CDK6: variants seen among roughly 807,000 people sequenced by gnomAD.
The protein encoded by CDK6 is cyclin dependent kinase 6, also known as cyclin-dependent kinase 6.
Under a neutral mutation model 37.1 loss-of-function variants are expected in CDK6, and 6 were observed. That is an observed-to-expected ratio of 0.16 (90% CI 0.09 to 0.32). The LOEUF (loss-of-function observed/expected upper bound fraction) is 0.32. CDK6 is among the 10% of genes least tolerant of loss of function. CDK6 has a pLI of 1.00. For synonymous variants in CDK6, 160 were observed against 161.3 expected (o/e 0.99, Z 0.06); for missense variants, 224 against 418.9 (o/e 0.53, Z 4.06).
chr7:92,796,778 T>C (rs908068835), intron 2 of CDK6, among the ~76,000 whole-genome samples: 2 of 152,030 alleles, frequency 1.3e-5, no homozygotes, highest in South Asian at 2.1e-4. Context: ...CCAGTTAAAC[T>C]TTTTTTTAAA....
intron 5 of CDK6, among the ~76,000 whole-genome samples, chr7:92,638,775 A>C (rs1796234836): frequency 6.6e-6 from 1 of 151,762 alleles, no homozygotes; most frequent in Admixed American, 6.6e-5. Context: ...ATGTCTTTTG[A>C]CCCCCCCAGA....
intron 3 of CDK6, among the ~76,000 whole-genome samples, chr7:92,753,423 C>T (rs1799233724): frequency 6.6e-6 from 1 of 152,100 alleles, no homozygotes; most frequent in Non-Finnish European, 1.5e-5. Context: ...AGAATCTACA[C>T]ATTATTTTGA....
intron 3 of CDK6, among the ~76,000 whole-genome samples, chr7:92,753,120 C>G (rs1326068748): frequency 6.6e-6 from 1 of 152,016 alleles, no homozygotes; most frequent in East Asian, 1.9e-4. Flanking sequence ...ATATGCTTCA[C>G]CTGTGAATAC....
intron 4 of CDK6, among the ~76,000 whole-genome samples, chr7:92,693,572 CAT>C (rs1427395279): frequency 6.6e-6 from 1 of 152,126 alleles, no homozygotes; most frequent in Non-Finnish European, 1.5e-5. Flanking sequence ...TATACTTTAA[CAT>C]GTTTTAATTT....
chr7:92,674,981 G>A (rs1191823260), intron 4 of CDK6, among the ~76,000 whole-genome samples: 4 of 152,082 alleles, frequency 2.6e-5, no homozygotes, highest in African/African-American at 7.2e-5. Context: ...ACAGGCACAC[G>A]CCACCACACC....
intron 3 of CDK6, among the ~76,000 whole-genome samples, chr7:92,753,332 C>T (rs1237960847): frequency 1.3e-5 from 2 of 152,122 alleles, no homozygotes; most frequent in East Asian, 1.9e-4. Context: ...CATGAGGGCT[C>T]GCATTTATGT....
At chr7:92,819,440 AT>A (rs1160418359) in intron 2 of CDK6, among the ~76,000 whole-genome samples, 1 of 152,066 alleles carries the variant, frequency 6.6e-6, no homozygotes, top group East Asian at 1.9e-4. Flanking sequence ...TATTTTAGAT[AT>A]TGATTGTGGT....
In CDK6 at chr7:92,822,782, T is replaced by C. The variant is rs73416978; in HGVS notation, c.233+10309A>G. Among the ~76,000 whole-genome samples, 674 of 152,260 alleles carry C rather than the reference T, an allele frequency of 4.4e-3. 4 individuals are homozygous for C. The highest frequency in any genetic ancestry group is 0.015 in the African/African-American group (624 of 41,552). On this transcript the variant is annotated intron_variant, in intron 2 of 7. Coordinates refer to ENST00000424848, the MANE Select transcript of CDK6 (RefSeq NM_001145306.2). ...TATTTTTGCAGAATTGTAAGAATGA[T>C]AATCTGAGTTTACTCGTTCCATAAG...
chr7:92,651,307 T>C (rs1020655425), intron 5 of CDK6, among the ~76,000 whole-genome samples: 5 of 152,242 alleles, frequency 3.3e-5, no homozygotes, highest in African/African-American at 9.6e-5. Context: ...TTCTGCTATG[T>C]AATGTAACAA....
chr7:92,635,071 G>A (rs986365400), intron 5 of CDK6, among the ~76,000 whole-genome samples: 5 of 152,128 alleles, frequency 3.3e-5, no homozygotes, highest in African/African-American at 1.2e-4. Context: ...GTGCTCAGAG[G>A]GATGACTCAT....
intron 2 of CDK6, among the ~76,000 whole-genome samples, chr7:92,789,440 C>A (rs1024796347): frequency 6.6e-6 from 1 of 152,104 alleles, no homozygotes; most frequent in Non-Finnish European, 1.5e-5. Flanking sequence ...ATGCATAGGA[C>A]AGTAATTATA....
chr7:92,820,730 C>T (rs1584119879), intron 2 of CDK6, among the ~76,000 whole-genome samples: 1 of 151,974 alleles, frequency 6.6e-6, no homozygotes, highest in South Asian at 2.1e-4. Context: ...CCTCATTTTT[C>T]AGAGTAGAAA....
chr7:92,713,626 A>G (rs2116686165), intron 4 of CDK6, among the ~76,000 whole-genome samples: 1 of 151,254 alleles, frequency 6.6e-6, no homozygotes, highest in Middle Eastern at 3.4e-3. Flanking sequence ...AACTTTAAAT[A>G]CCAAGTCAAT....
chr7:92,731,736 C>G (rs1417863424), intron 3 of CDK6, among the ~76,000 whole-genome samples: 1 of 151,574 alleles, frequency 6.6e-6, no homozygotes, highest in Non-Finnish European at 1.5e-5. Flanking sequence ...AAGAATCAGT[C>G]TCAACTAACT....
Position 92,607,327 on chromosome 7 carries a change from G to A in CDK6, c.*7813C>T, listed in dbSNP as rs1186927153. The A allele has an allele frequency of 4.3e-6, 1 of 233,522 alleles. No individual in the cohort carries two copies. 14.5% of individuals were successfully genotyped at this position (233,522 alleles called of 1,614,324 possible). A position where few individuals can be genotyped will look rare whatever the true frequency, so the allele number is the denominator to read the frequency against. On this transcript the variant is annotated 3_prime_UTR_variant, in exon 8 of 8. Coordinates refer to ENST00000424848, the MANE Select transcript of CDK6 (RefSeq NM_001145306.2). ...TCTATTCCGAGGGCCACCTGGCACA[G>A]TTTCTAAATTAAGGCATATCTAAAA... is the stretch of plus-strand genomic sequence containing the variant.
intron 4 of CDK6, among the ~76,000 whole-genome samples, chr7:92,717,189 A>G (rs893706782): frequency 4.0e-5 from 6 of 151,844 alleles, no homozygotes; most frequent in Admixed American, 6.6e-5. Flanking sequence ...AAAAAAAAAA[A>G]GAACGTAGCT....
At chr7:92,625,570 A>AG (rs1795910253) in intron 5 of CDK6, among the ~76,000 whole-genome samples, 2 of 151,912 alleles carry the variant, frequency 1.3e-5, no homozygotes, top group African/African-American at 4.8e-5. Flanking sequence ...AACAAAAAAA[A>AG]CCAAAAACCT....
Position 92,833,638 on chromosome 7 carries a change from G to C in CDK6, c.-315C>G. The C allele has an allele frequency of 1.9e-6, 1 of 513,182 alleles. No homozygotes were observed. The highest frequency in any genetic ancestry group is 3.4e-6 in the Non-Finnish European group (1 of 295,710). The allele number at this position is 513,182 out of a possible 1,614,324, so 31.8% of individuals were successfully genotyped here. A position where few individuals can be genotyped will look rare whatever the true frequency, so the allele number is the denominator to read the frequency against. The stretch of plus-strand genomic sequence containing the variant: ...TCCTCGAAGCGAAGTCCTCAACACA[G>C]ACACGATTACATAGCCTCTGCCCAA... On this transcript the variant is annotated 5_prime_UTR_variant, in exon 2 of 8. Transcript: ENST00000424848. This position sits in a 1 kb window ranked among gnomAD's most constrained non-coding sequence, Gnocchi z 6.1.
At chr7:92,645,617 T>C (rs1796429666) in intron 5 of CDK6, among the ~76,000 whole-genome samples, 1 of 152,160 alleles carries the variant, frequency 6.6e-6, no homozygotes, top group Non-Finnish European at 1.5e-5. Context: ...GGTCTTAGGG[T>C]GAGGAAGAAG....
Sources: allele counts gnomAD v4.1 joint callset (sites outside exome capture counted in the v4.1 genomes callset), GRCh38; gene constraint gnomAD v4.1.1; non-coding constraint Gnocchi (gnomAD v3.1); transcripts MANE v1.5; gene names NCBI Gene and HGNC (gene_info 2026-07-23, HGNC 2026-07-21).